Variants in CAST observed in about 807,000 individuals in gnomAD.
CAST encodes MIR583 host.
Under a neutral mutation model 119.6 loss-of-function variants are expected in CAST, and 76 were observed. That is an observed-to-expected ratio of 0.64 (90% CI 0.53 to 0.77). CAST has a LOEUF of 0.77. Among genes scored for constraint, CAST ranks in the 30% least tolerant of loss-of-function variants. The probability of loss-of-function intolerance (pLI) is 0.00; values close to 1 mark genes in which losing one functional copy is unlikely to be tolerated. For missense variants in CAST, 953 were observed against 946.5 expected, an observed-to-expected ratio of 1.01 and a Z score of -0.09; for synonymous variants, 319 against 331.6, an observed-to-expected ratio of 0.96 and a Z score of 0.41.
chr5:96,233,917 G>A, the CAST span, among the ~76,000 whole-genome samples: 2 of 151,954 alleles, frequency 1.3e-5, no homozygotes, highest in Admixed American at 6.6e-5. Flanking sequence ...TAATGACGTT[G>A]TAGATAAGAT....
At chr5:96,535,737 C>G (rs1242469119) in intron 1 of CAST, among the ~76,000 whole-genome samples, 2 of 151,584 alleles carry the variant, frequency 1.3e-5, no homozygotes, top group African/African-American at 4.8e-5. Flanking sequence ...CCAAGCCCGG[C>G]TAATTTTTTG....
upstream of CAST, among the ~76,000 whole-genome samples, chr5:96,522,649 A>G (rs1745536996): frequency 6.6e-6 from 1 of 152,172 alleles, no homozygotes; most frequent in Admixed American, 6.5e-5. Flanking sequence ...GCTGACCCCC[A>G]CTAACCATCA....
At chr5:96,425,060 GAA>G in the CAST span, among the ~76,000 whole-genome samples, 11 of 126,498 alleles carry the variant, frequency 8.7e-5, no homozygotes, top group Non-Finnish European at 1.9e-4. Context: ...AAGAAAGAAA[GAA>G]AGAAAGAAAG....
At chr5:95,971,693 T>G in the CAST span, among the ~76,000 whole-genome samples, 1 of 152,144 alleles carries the variant, frequency 6.6e-6, no homozygotes, top group African/African-American at 2.4e-5. Context: ...GTCATACACA[T>G]GGAATCATAC....
chr5:96,321,077 A>C, the CAST span, among the ~76,000 whole-genome samples: 1 of 152,180 alleles, frequency 6.6e-6, no homozygotes, highest in Non-Finnish European at 1.5e-5. Context: ...GAGAGTGCTT[A>C]TCTCTCCAGG....
the CAST span, among the ~76,000 whole-genome samples, chr5:96,305,489 TG>T: frequency 6.6e-6 from 1 of 152,204 alleles, no homozygotes; most frequent in African/African-American, 2.4e-5. Flanking sequence ...TCCAACGCTA[TG>T]TTGAATAGGA....
the CAST span, among the ~76,000 whole-genome samples, chr5:96,035,921 T>C: frequency 6.6e-6 from 1 of 152,026 alleles, no homozygotes; most frequent in Admixed American, 6.6e-5. Flanking sequence ...GCTACTTTGG[T>C]ATGATGAACT....
chr5:96,170,052 T>G, the CAST span, among the ~76,000 whole-genome samples: 6,147 of 152,150 alleles, frequency 0.04, 423 homozygotes, highest in African/African-American at 0.14. Context: ...CTGTATTGAT[T>G]AAGAAGGGTA....
At chr5:96,239,995 T>A in the CAST span, among the ~76,000 whole-genome samples, 1 of 152,328 alleles carries the variant, frequency 6.6e-6, no homozygotes, top group South Asian at 2.1e-4. Flanking sequence ...CAATAGTATA[T>A]GTTTTTATAA....
the CAST span, among the ~76,000 whole-genome samples, chr5:96,411,361 C>T: frequency 6.6e-6 from 1 of 152,200 alleles, no homozygotes; most frequent in South Asian, 2.1e-4. Flanking sequence ...TTCTGGCTGA[C>T]TGATAGAATG....
chr5:96,768,934 A>G (rs1323285529), intron 29 of CAST: 1 of 152,566 alleles, frequency 6.6e-6, no homozygotes. Context: ...CATTTCATAC[A>G]GTAGTGATGT....
chr5:96,348,356 T>C, the CAST span, among the ~76,000 whole-genome samples: 2 of 151,672 alleles, frequency 1.3e-5, no homozygotes, highest in South Asian at 2.1e-4. Flanking sequence ...ATAATGCTAG[T>C]TTGAAGGAGG....
intron 3 of CAST, among the ~76,000 whole-genome samples, chr5:96,697,868 G>T (rs541797968): frequency 3.3e-5 from 5 of 152,318 alleles, no homozygotes; most frequent in African/African-American, 4.8e-5. Context: ...CTGGCATTTA[G>T]CAGGTGCTGG....
chr5:96,353,035 G>A, the CAST span, among the ~76,000 whole-genome samples: 5 of 152,042 alleles, frequency 3.3e-5, no homozygotes, highest in Non-Finnish European at 7.4e-5. Flanking sequence ...ATGTGAAAAT[G>A]GACTAATACA....
the CAST span, among the ~76,000 whole-genome samples, chr5:96,113,156 T>C: frequency 6.6e-6 from 1 of 152,186 alleles, no homozygotes; most frequent in South Asian, 2.1e-4. Context: ...AGGCTAGAAA[T>C]TGGATTGGTG....
chr5:96,084,887 A>C, the CAST span, among the ~76,000 whole-genome samples: 9 of 152,346 alleles, frequency 5.9e-5, 1 homozygote, highest in Middle Eastern at 3.4e-3. Flanking sequence ...AGAAGAAGGA[A>C]GAAAGGAAGC....
chr5:96,618,467 G>C (rs112184454), intron 1 of CAST, among the ~76,000 whole-genome samples: 4,087 of 152,336 alleles, frequency 0.027, 194 homozygotes, highest in African/African-American at 0.092. Flanking sequence ...CTCTGGGCTG[G>C]CTGAGGCTGG....
At chr5:96,281,529 C>G in the CAST span, among the ~76,000 whole-genome samples, 1 of 152,222 alleles carries the variant, frequency 6.6e-6, no homozygotes, top group African/African-American at 2.4e-5. Flanking sequence ...ACATAAGGGT[C>G]TAGTTGTAAG....
the CAST span, among the ~76,000 whole-genome samples, chr5:96,516,120 T>G: frequency 2.6e-5 from 1 of 38,110 alleles, no homozygotes; most frequent in African/African-American, 8.9e-5. Flanking sequence ...GCAGAAGAAT[T>G]ATCTATGAAG....
Sources: allele counts gnomAD v4.1 joint callset (sites outside exome capture counted in the v4.1 genomes callset), GRCh38; gene constraint gnomAD v4.1.1; transcripts MANE v1.5; gene names NCBI Gene and HGNC (gene_info 2026-07-23, HGNC 2026-07-21).